The following PTPRN2 variants were observed in gnomAD, a reference collection of about 807,000 sequenced individuals.
PTPRN2 encodes the protein protein tyrosine phosphatase receptor type N2.
PTPRN2 carries 74 observed loss-of-function variants against 118.8 expected under a neutral mutation model. The ratio of observed to expected loss-of-function variants is 0.62; its 90% CI spans 0.52 to 0.76. PTPRN2 has a LOEUF of 0.76. Among genes scored for constraint, PTPRN2 ranks in the 30% least tolerant of loss-of-function variants. The pLI, the probability that PTPRN2 is intolerant of heterozygous loss-of-function variation, is 0.00. For missense variants in PTPRN2, 1,481 were observed against 1,394.4 expected (o/e 1.06, Z -0.99); for synonymous variants, 641 against 608.0 (o/e 1.05, Z -0.80).
intron 6 of PTPRN2, among the ~76,000 whole-genome samples, chr7:158,149,445 A>T (rs1245059074): frequency 4.6e-5 from 7 of 152,028 alleles, no homozygotes; most frequent in Admixed American, 1.3e-4. Flanking sequence ...AAGAGGTAAA[A>T]AAAAAAAAAA....
chr7:158,542,292 A>G (rs888155182), intron 1 of PTPRN2, among the ~76,000 whole-genome samples: 4 of 152,214 alleles, frequency 2.6e-5, no homozygotes, highest in African/African-American at 9.6e-5. Flanking sequence ...ATGGGATTAC[A>G]GGCGCACGCC....
intron 12 of PTPRN2, among the ~76,000 whole-genome samples, chr7:157,691,184 C>A (rs1236952784): frequency 6.7e-6 from 1 of 149,054 alleles, no homozygotes; most frequent in Non-Finnish European, 1.5e-5. Flanking sequence ...ATTGGTACAA[C>A]GCCGAAGCCA....
chr7:158,314,189 AG>A, intron 3 of PTPRN2, among the ~76,000 whole-genome samples: 1 of 152,324 alleles, frequency 6.6e-6, no homozygotes, highest in East Asian at 1.9e-4. Flanking sequence ...AATTACGCTC[AG>A]GGGAAGTTCT....
At chr7:158,376,551 C>T (rs111606684) in intron 2 of PTPRN2, among the ~76,000 whole-genome samples, 3 of 107,902 alleles carry the variant, frequency 2.8e-5, no homozygotes, top group Admixed American at 8.4e-5. Flanking sequence ...TCCCACATCC[C>T]TGTCACACAT....
In PTPRN2 at chr7:157,864,750, T is replaced by G. The variant is rs562321872; in HGVS notation, c.1788+33923A>C. ...GAGCACGTATTCCCTCAAACGCTCA[T>G]AGACGTCAGTATCTCAGGACAAAGT... is the stretch of plus-strand genomic sequence containing the variant. On this transcript the variant is annotated intron_variant, in intron 12 of 22. Coordinates refer to ENST00000389418, the MANE Select transcript of PTPRN2 (RefSeq NM_002847.5). 8.5e-5 allele frequency: 13 copies of G among 152,360 alleles called. No homozygotes were observed. The South Asian group carries it at 1.9e-3, about 22-fold the overall frequency. The allele number at this position is 152,360 out of a possible 1,614,324, so 9.4% of individuals were successfully genotyped here. A position where few individuals can be genotyped will look rare whatever the true frequency, so the allele number is the denominator to read the frequency against.
chr7:158,274,028 G>A (rs1405281971), intron 3 of PTPRN2, among the ~76,000 whole-genome samples: 2 of 133,640 alleles, frequency 1.5e-5, no homozygotes, highest in Admixed American at 7.3e-5. Context: ...AGGGGGAGCC[G>A]CAGACACAGG....
chr7:157,553,747 A>G (rs1316190572), intron 21 of PTPRN2, among the ~76,000 whole-genome samples: 2 of 152,238 alleles, frequency 1.3e-5, no homozygotes, highest in African/African-American at 4.8e-5. Context: ...CATTAGGTCC[A>G]TAATGATGTA....
chr7:157,766,347 CCAT>C (rs1250590287), intron 12 of PTPRN2, among the ~76,000 whole-genome samples: 2 of 141,086 alleles, frequency 1.4e-5, no homozygotes, highest in African/African-American at 2.7e-5. Flanking sequence ...ATCCATCCAT[CCAT>C]CATCCATCTA....
At chr7:158,077,388 T>C (rs1308166940) in intron 11 of PTPRN2, among the ~76,000 whole-genome samples, 1 of 152,128 alleles carries the variant, frequency 6.6e-6, no homozygotes, top group East Asian at 1.9e-4. Flanking sequence ...GCTACTGAAA[T>C]GACACGGGGC....
At position 158,268,890 on chromosome 7, in the gene PTPRN2, G is replaced by T. The variant is rs1197462530; in HGVS notation, c.277+47929C>A. Among the ~76,000 whole-genome samples, 5 of 134,666 alleles carry T rather than the reference G, an allele frequency of 3.7e-5. No individual in the cohort carries two copies. The East Asian group carries it at 1.0e-3, about 27-fold the overall frequency. 88.3% of individuals were successfully genotyped at this position (134,666 alleles called of 152,430 possible). A position where few individuals can be genotyped will look rare whatever the true frequency, so the allele number is the denominator to read the frequency against. On this transcript the variant is annotated intron_variant, in intron 3 of 22. Transcript: ENST00000389418. ...CGGGTGTGAAATATCCCAGCCGCAC[G>T]CACACAGAGTGGGGTGTGAAATATC...
intron 12 of PTPRN2, among the ~76,000 whole-genome samples, chr7:157,885,555 C>T (rs1457106553): frequency 6.6e-6 from 1 of 152,230 alleles, no homozygotes; most frequent in Non-Finnish European, 1.5e-5. Flanking sequence ...TTTCCCCTGA[C>T]AGACACACCT....
rs920954055 is a variant in PTPRN2 at position 157,784,219 on chromosome 7, C to T, written c.1789-101282G>A. On this transcript the variant is annotated intron_variant, in intron 12 of 22. Coordinates refer to ENST00000389418, the MANE Select transcript of PTPRN2 (RefSeq NM_002847.5). This position sits in a 1 kb window ranked among gnomAD's most constrained non-coding sequence, Gnocchi z 4.6. ...ACGTGGCTTCTGGCCCAGAGCAGCT[C>T]GTGAGTCAGCCTGGCCTAGTTGGAA... Among the ~76,000 whole-genome samples the T allele has an allele frequency of 2.0e-5, 3 of 152,078 alleles. No individual in the cohort carries two copies. Among genetic ancestry groups the T allele is most frequent in the Non-Finnish European group, 2.9e-5 (2 of 68,004 alleles).
intron 10 of PTPRN2, among the ~76,000 whole-genome samples, chr7:158,105,452 C>T (rs1363614007): frequency 1.3e-5 from 2 of 151,640 alleles, no homozygotes; most frequent in East Asian, 3.9e-4. Context: ...CTCCATCAAA[C>T]TCCACCCTAG....
intron 2 of PTPRN2, among the ~76,000 whole-genome samples, chr7:158,414,342 G>A (rs1260549126): frequency 6.6e-6 from 1 of 152,150 alleles, no homozygotes. Context: ...GAATTAACGG[G>A]CTGGAGCATT....
At chr7:158,363,627 T>G (rs950781782) in intron 2 of PTPRN2, among the ~76,000 whole-genome samples, 2 of 152,094 alleles carry the variant, frequency 1.3e-5, no homozygotes, top group African/African-American at 4.8e-5. Context: ...CCGCGCATGC[T>G]GATACAGTGA....
rs891849821 is a variant in PTPRN2 at position 157,903,517 on chromosome 7, C to T, written c.1724-4780G>A. Among the ~76,000 whole-genome samples the T allele has an allele frequency of 7.9e-5, 12 of 152,172 alleles. No homozygotes were observed. The highest frequency in any genetic ancestry group is 2.1e-4 in the South Asian group (1 of 4,800). On this transcript the variant is annotated intron_variant, in intron 11 of 22. Coordinates refer to ENST00000389418, the MANE Select transcript of PTPRN2 (RefSeq NM_002847.5). The surrounding 1 kb of genome is among the most constrained non-coding windows in gnomAD (Gnocchi z 4.2). Reference sequence around the variant, plus strand: ...ACGGATAAGTGAACAGATGTGCCACCGACAACCCTCCCACATGCCCCACGG... The same window carrying T: ...ACGGATAAGTGAACAGATGTGCCACTGACAACCCTCCCACATGCCCCACGG...
chr7:158,450,675 T>A (rs1389364520), intron 2 of PTPRN2, among the ~76,000 whole-genome samples: 2 of 152,178 alleles, frequency 1.3e-5, no homozygotes. Flanking sequence ...TGTGAGATGA[T>A]CCGAGTCGCC....
intron 13 of PTPRN2, among the ~76,000 whole-genome samples, chr7:157,667,480 G>A (rs1796200845): frequency 6.6e-6 from 1 of 152,246 alleles, no homozygotes; most frequent in Non-Finnish European, 1.5e-5. Context: ...AAGCCACACA[G>A]CCTCACGGGA....
At chr7:158,065,026 A>G (rs1810648676) in intron 11 of PTPRN2, among the ~76,000 whole-genome samples, 1 of 152,250 alleles carries the variant, frequency 6.6e-6, no homozygotes, top group Middle Eastern at 3.2e-3. Flanking sequence ...AGGCAGAAAG[A>G]TGGTGCTGCG....
Sources: allele counts gnomAD v4.1 joint callset (sites outside exome capture counted in the v4.1 genomes callset), GRCh38; gene constraint gnomAD v4.1.1; non-coding constraint Gnocchi (gnomAD v3.1); transcripts MANE v1.5; gene names NCBI Gene and HGNC (gene_info 2026-07-23, HGNC 2026-07-21).